Variants in IQSEC1 observed in about 807,000 individuals in gnomAD.
IQSEC1 encodes IQ motif and Sec7 domain ArfGEF 1, also known as IQ motif and SEC7 domain-containing protein 1.
Under a neutral mutation model 91.0 loss-of-function variants are expected in IQSEC1, and 31 were observed. The ratio of observed to expected loss-of-function variants is 0.34; its 90% CI spans 0.26 to 0.46. The LOEUF (loss-of-function observed/expected upper bound fraction) is 0.46. Among genes scored for constraint, IQSEC1 ranks in the 20% least tolerant of loss-of-function variants. The pLI is 1.00. For synonymous variants in IQSEC1, 699 were observed against 662.6 expected, an observed-to-expected ratio of 1.05 and a Z score of -0.84; for missense variants, 1,388 against 1,575.6, an observed-to-expected ratio of 0.88 and a Z score of 2.02.
At chr3:13,157,201 T>G (rs1707098886) in intron 2 of IQSEC1, among the ~76,000 whole-genome samples, 1 of 152,234 alleles carries the variant, frequency 6.6e-6, no homozygotes, top group Non-Finnish European at 1.5e-5. Context: ...TTACCAAATG[T>G]ATTTTGGGAT....
At chr3:13,235,681 A>G (rs984217296) in intron 1 of IQSEC1, among the ~76,000 whole-genome samples, 1 of 152,196 alleles carries the variant, frequency 6.6e-6, no homozygotes, top group Non-Finnish European at 1.5e-5. Flanking sequence ...GAAGAACAAG[A>G]TCCTTGTGGC....
At chr3:13,110,823 C>G (rs934545502) in intron 2 of IQSEC1, among the ~76,000 whole-genome samples, 1 of 152,186 alleles carries the variant, frequency 6.6e-6, no homozygotes, top group Non-Finnish European at 1.5e-5. Context: ...GAGATTTACA[C>G]TGGGTGAGTC....
chr3:13,254,827 T>A (rs2125121315), intron 1 of IQSEC1, among the ~76,000 whole-genome samples: 1 of 152,304 alleles, frequency 6.6e-6, no homozygotes, highest in East Asian at 1.9e-4. Flanking sequence ...ACATTAGAGA[T>A]GAGGAAACCG....
At chr3:13,283,055 C>A (rs910402478) in exon 1 of IQSEC1, among the ~76,000 whole-genome samples, 2 of 144,740 alleles carry the variant, frequency 1.4e-5, no homozygotes, top group Admixed American at 6.8e-5. Flanking sequence ...GCCATGGCTG[C>A]GCGGCGGGGA....
At chr3:13,135,614 C>T (rs1161184290) in intron 2 of IQSEC1, among the ~76,000 whole-genome samples, 4 of 152,230 alleles carry the variant, frequency 2.6e-5, no homozygotes, top group African/African-American at 4.8e-5. Flanking sequence ...GACGCAGCCC[C>T]AGAGCTCTCC....
At chr3:12,980,060 G>A (rs1259708849) in intron 1 of IQSEC1, among the ~76,000 whole-genome samples, 1 of 152,180 alleles carries the variant, frequency 6.6e-6, no homozygotes, top group Non-Finnish European at 1.5e-5. Flanking sequence ...TGTGCCTCCT[G>A]AGCTGTGCAG....
At chr3:13,085,368 G>C (rs953483916) in intron 2 of IQSEC1, among the ~76,000 whole-genome samples, 2 of 152,150 alleles carry the variant, frequency 1.3e-5, no homozygotes, top group African/African-American at 4.8e-5. Flanking sequence ...TCCTTGTCAT[G>C]GGAACTGTGC....
At chr3:13,209,681 T>A (rs1275240465) in intron 1 of IQSEC1, among the ~76,000 whole-genome samples, 1 of 152,218 alleles carries the variant, frequency 6.6e-6, no homozygotes, top group Non-Finnish European at 1.5e-5. Context: ...GGATTTTTAA[T>A]ACCAGCTGCC....
At chr3:13,110,889 G>T (rs1234909064) in intron 2 of IQSEC1, among the ~76,000 whole-genome samples, 1 of 152,180 alleles carries the variant, frequency 6.6e-6, no homozygotes, top group Non-Finnish European at 1.5e-5. Context: ...AGCTTACCCA[G>T]GAAACAGACA....
intron 1 of IQSEC1, among the ~76,000 whole-genome samples, chr3:13,176,451 C>T (rs916521234): frequency 4.6e-5 from 7 of 152,242 alleles, no homozygotes; most frequent in African/African-American, 1.4e-4. Context: ...CCTTGGGAGC[C>T]TCTGCTCCAC....
chr3:13,208,551 T>G (rs1694385112), intron 1 of IQSEC1, among the ~76,000 whole-genome samples: 1 of 152,132 alleles, frequency 6.6e-6, no homozygotes, highest in Non-Finnish European at 1.5e-5. Context: ...CAAACCCACA[T>G]CTGCCTTGGT....
At chr3:13,045,038 G>A (rs889445817) in intron 1 of IQSEC1, among the ~76,000 whole-genome samples, 2 of 152,240 alleles carry the variant, frequency 1.3e-5, no homozygotes, top group Non-Finnish European at 2.9e-5. Context: ...CTGCTGTGAG[G>A]GTTGGGAGTC....
At chr3:13,235,069 T>G (rs1240624050) in intron 1 of IQSEC1, among the ~76,000 whole-genome samples, 1 of 152,140 alleles carries the variant, frequency 6.6e-6, no homozygotes, top group Non-Finnish European at 1.5e-5. Flanking sequence ...GCTGGCTTCG[T>G]GTGTCTGTGC....
At chr3:12,905,130 C>T (rs1694830987) in intron 12 of IQSEC1, among the ~76,000 whole-genome samples, 1 of 152,262 alleles carries the variant, frequency 6.6e-6, no homozygotes, top group African/African-American at 2.4e-5. Flanking sequence ...CCTCCCACAC[C>T]TGCCCTGGTT....
intron 1 of IQSEC1, among the ~76,000 whole-genome samples, chr3:13,036,842 G>A (rs1280356187): frequency 2.6e-5 from 4 of 152,236 alleles, no homozygotes; most frequent in Admixed American, 2.6e-4. Context: ...CTGCGCATCA[G>A]GAGATCAGTT....
intron 1 of IQSEC1, among the ~76,000 whole-genome samples, chr3:13,169,796 AT>A (rs1378066662): frequency 6.6e-6 from 1 of 152,188 alleles, no homozygotes; most frequent in Non-Finnish European, 1.5e-5. Flanking sequence ...GGTGGAAGAA[AT>A]TTCTTAGCAG....
intron 1 of IQSEC1, among the ~76,000 whole-genome samples, chr3:13,269,730 A>T (rs1695560849): frequency 6.6e-6 from 1 of 152,230 alleles, no homozygotes; most frequent in Admixed American, 6.5e-5. Flanking sequence ...TGGGCAGGCC[A>T]CTCTGAAACT....
intron 2 of IQSEC1, among the ~76,000 whole-genome samples, chr3:13,130,358 AAAAAG>A (rs1368951831): frequency 1.3e-5 from 2 of 150,460 alleles, no homozygotes; most frequent in African/African-American, 5.0e-5. Context: ...AAAAAAAAAA[AAAAAG>A]AAAGAAAGAA....
At chr3:12,945,923 C>T (rs1699149958) in intron 1 of IQSEC1, among the ~76,000 whole-genome samples, 1 of 152,230 alleles carries the variant, frequency 6.6e-6, no homozygotes, top group Non-Finnish European at 1.5e-5. Context: ...GGACGCTTGA[C>T]TATTTTCTGG....
Sources: allele counts gnomAD v4.1 joint callset (sites outside exome capture counted in the v4.1 genomes callset), GRCh38; gene constraint gnomAD v4.1.1; transcripts MANE v1.5; gene names NCBI Gene and HGNC (gene_info 2026-07-23, HGNC 2026-07-21).